Variants in TTLL11 observed in about 807,000 individuals in gnomAD.
The protein encoded by TTLL11 is tubulin polyglutamylase TTLL11.
A neutral mutation model predicts 51.7 loss-of-function variants in TTLL11; 42 were observed. The ratio of observed to expected loss-of-function variants is 0.81; its 90% CI spans 0.64 to 1.05. TTLL11 has a LOEUF of 1.05. Among genes scored for constraint, TTLL11 ranks in the 50% least tolerant of loss-of-function variants. The pLI is 0.00. For synonymous variants in TTLL11, 381 were observed against 383.5 expected, an observed-to-expected ratio of 0.99 and a Z score of 0.08; for missense variants, 799 against 940.4, an observed-to-expected ratio of 0.85 and a Z score of 1.97.
intron 6 of TTLL11, among the ~76,000 whole-genome samples, chr9:121,966,177 G>T (rs1307449517): frequency 6.6e-6 from 1 of 152,348 alleles, no homozygotes; most frequent in South Asian, 2.1e-4. Context: ...GTGATAGGAA[G>T]TAATGAAATG....
intron 1 of TTLL11, among the ~76,000 whole-genome samples, chr9:122,087,637 C>A (rs1846160439): frequency 6.6e-6 from 1 of 152,172 alleles, no homozygotes; most frequent in Admixed American, 6.5e-5. Flanking sequence ...CCACTGTGCA[C>A]ATAAACACAA....
At chr9:122,035,449 A>G (rs1165245625) in intron 2 of TTLL11, among the ~76,000 whole-genome samples, 1 of 152,218 alleles carries the variant, frequency 6.6e-6, no homozygotes, top group Non-Finnish European at 1.5e-5. Flanking sequence ...ACCCCATTCA[A>G]GTTAACTGAC....
intron 6 of TTLL11, among the ~76,000 whole-genome samples, chr9:121,962,777 G>A (rs1842275937): frequency 6.6e-6 from 1 of 152,154 alleles, no homozygotes; most frequent in Non-Finnish European, 1.5e-5. Context: ...TATTCATTCT[G>A]GTTGTGAACA....
At chr9:121,899,366 T>TGTATATATATAC (rs1491307393) in intron 6 of TTLL11, among the ~76,000 whole-genome samples, 75 of 66,178 alleles carry the variant, frequency 1.1e-3, no homozygotes, top group South Asian at 0.011. Flanking sequence ...TGTGTGTGTG[T>TGTATATATATAC]ATATATATAT....
intron 8 of TTLL11, among the ~76,000 whole-genome samples, chr9:121,826,557 G>A (rs13295310): frequency 0.24 from 12,411 of 50,910 alleles, 1,499 homozygotes; most frequent in East Asian, 0.46. Context: ...ATATGTGTGT[G>A]TATATATATA....
Position 121,826,184 on chromosome 9 carries a change from C to A in TTLL11, c.1841-3305G>T, listed in dbSNP as rs374025191. ...TATATATATATATATAACCAGTAACCTATATATATATATATATATATATAT... is the reference window on the plus strand; with the variant it reads ...TATATATATATATATAACCAGTAACATATATATATATATATATATATATAT... On this transcript the variant is annotated intron_variant, in intron 8 of 8. Coordinates refer to ENST00000321582, the MANE Select transcript of TTLL11 (RefSeq NM_001139442.2). 8.0e-3 allele frequency among the ~76,000 whole-genome samples: 410 copies of A among 51,108 alleles called. 15 individuals carry two copies. The highest frequency in any genetic ancestry group is 0.043 in the Middle Eastern group (2 of 46). The allele number at this position is 51,108 out of a possible 152,430, so 33.5% of individuals were successfully genotyped here. A position where few individuals can be genotyped will look rare whatever the true frequency, so the allele number is the denominator to read the frequency against.
At chr9:121,869,727 A>C (rs186716427) in intron 7 of TTLL11, among the ~76,000 whole-genome samples, 1 of 152,328 alleles carries the variant, frequency 6.6e-6, no homozygotes, top group East Asian at 1.9e-4. Flanking sequence ...CTAATATTAC[A>C]CACACTATTG....
intron 6 of TTLL11, among the ~76,000 whole-genome samples, chr9:121,919,800 C>A (rs1055676170): frequency 1.4e-5 from 2 of 146,164 alleles, no homozygotes; most frequent in African/African-American, 5.1e-5. Context: ...TCACTTGAGG[C>A]CAGGAGTTCA....
intron 6 of TTLL11, among the ~76,000 whole-genome samples, chr9:121,958,797 A>G (rs1415388667): frequency 6.6e-6 from 1 of 152,186 alleles, no homozygotes; most frequent in Non-Finnish European, 1.5e-5. Flanking sequence ...TTGGTCTGAA[A>G]TGACTCTATG....
Position 122,093,062 on chromosome 9 carries a change from C to T in TTLL11, c.87G>A (p.Glu29=), listed in dbSNP as rs887350583. The T allele has an allele frequency of 4.6e-6, 7 of 1,513,434 alleles. No homozygotes were observed. In the South Asian group the frequency reaches 8.6e-5, roughly 19 times the overall value. The allele number at this position is 1,513,434 out of a possible 1,614,324, so 93.8% of individuals were successfully genotyped here. The part of the protein sequence containing the change: ...VAAAKAAAKA[E]AEATAETVAE... ...CCACCGTCTCCGCTGTGGCCTCGGCCTCAGCTTTGGCCGCCGCTTTGGCCG... is the reference window on the plus strand; with the variant it reads ...CCACCGTCTCCGCTGTGGCCTCGGCTTCAGCTTTGGCCGCCGCTTTGGCCG... The change falls in exon 1 of 9, where the codon GAG becomes GAA. Residue 29 remains glutamate, a synonymous_variant. Transcript: ENST00000321582.
intron 1 of TTLL11, among the ~76,000 whole-genome samples, chr9:122,049,011 A>G (rs1845091251): frequency 6.7e-6 from 1 of 148,352 alleles, no homozygotes; most frequent in South Asian, 2.1e-4. Flanking sequence ...TCGTGCCAGA[A>G]AAAAAAAAAA....
chr9:121,820,733 C>T lies in TTLL11; in HGVS notation c.*1854G>A, dbSNP rs146556569. The stretch of plus-strand genomic sequence containing the variant: ...GAGCCGATGACACCTCCACAGTGCC[C>T]CATGTAGAGAACACTCGACACACCT... On this transcript the variant is annotated 3_prime_UTR_variant, in exon 9 of 9. Transcript: ENST00000321582. Among the ~76,000 whole-genome samples, 422 of 151,974 alleles carry T rather than the reference C, an allele frequency of 2.8e-3. 1 individual carries two copies. Among genetic ancestry groups the T allele is most frequent in the Non-Finnish European group, 4.3e-3 (291 of 67,974 alleles).
At chr9:121,845,230 T>C (rs924976445) in intron 8 of TTLL11, among the ~76,000 whole-genome samples, 22 of 151,994 alleles carry the variant, frequency 1.4e-4, no homozygotes, top group Admixed American at 1.4e-3. Flanking sequence ...CCTAAAACCA[T>C]GCAAGCAAGA....
rs1040898243 is a variant in TTLL11 at position 121,873,422 on chromosome 9, C to T, written c.1482-2674G>A. On this transcript the variant is annotated intron_variant, in intron 6 of 8. Transcript: ENST00000321582. ...TTTTTGGCTTCAAGCCATTCTCCTG[C>T]CTCAGCCTCCTGAGTTAGCTGGGAT... 6.0e-5 allele frequency among the ~76,000 whole-genome samples: 9 copies of T among 149,294 alleles called. No individual in the cohort carries two copies. In the East Asian group the frequency reaches 1.6e-3, roughly 26 times the overall value.
In TTLL11 at chr9:121,818,454, A is replaced by G. The variant is rs1394702627; in HGVS notation, c.*4133T>C. 1.3e-5 allele frequency: 2 copies of G among 152,244 alleles called. No homozygotes were observed. Among genetic ancestry groups the G allele is most frequent in the Non-Finnish European group, 2.9e-5 (2 of 68,080 alleles). 9.4% of individuals were successfully genotyped at this position (152,244 alleles called of 1,614,324 possible). ...CTCCCGGGTTCTGCTAAACGTTCCT[A>G]TTCACAGCAAGCACCTGCTGGCCCC... is the stretch of plus-strand genomic sequence containing the variant. On this transcript the variant is annotated 3_prime_UTR_variant, in exon 9 of 9. Transcript: ENST00000321582.
At chr9:121,879,495 C>A (rs904646814) in intron 6 of TTLL11, among the ~76,000 whole-genome samples, 2 of 152,130 alleles carry the variant, frequency 1.3e-5, no homozygotes, top group Admixed American at 1.3e-4. Flanking sequence ...TGCCCAGGTA[C>A]AGAAAAAGTC....
chr9:121,946,902 C>T (rs1294328382), intron 6 of TTLL11, among the ~76,000 whole-genome samples: 6 of 152,102 alleles, frequency 3.9e-5, no homozygotes, highest in Non-Finnish European at 8.8e-5. Flanking sequence ...TCAGCCTACC[C>T]CCATTCATTA....
chr9:122,024,963 A>G (rs925795549), intron 3 of TTLL11, among the ~76,000 whole-genome samples: 2 of 152,182 alleles, frequency 1.3e-5, no homozygotes, highest in South Asian at 2.1e-4. Context: ...TCAAAGGATA[A>G]TAAGAGAATG....
At chr9:121,928,654 T>G (rs962674267) in intron 6 of TTLL11, among the ~76,000 whole-genome samples, 2 of 152,032 alleles carry the variant, frequency 1.3e-5, no homozygotes, top group African/African-American at 4.8e-5. Flanking sequence ...TTGGCCAGGA[T>G]GTTCTTGATT....
Sources: gnomAD v4.1 joint callset for allele counts (sites outside exome capture counted in the v4.1 genomes callset) on GRCh38, gnomAD v4.1.1 for gene constraint, MANE v1.5 for transcripts, NCBI Gene and HGNC (gene_info 2026-07-23, HGNC 2026-07-21) for gene names.